Variants in CHD4 observed in about 807,000 individuals in gnomAD.
CHD4 encodes ATP-dependent chromatin remodeler CHD4.
Under a neutral mutation model 235.5 loss-of-function variants are expected in CHD4, and 35 were observed. That is an observed-to-expected ratio of 0.15 (90% CI 0.11 to 0.20). The LOEUF is 0.20. CHD4 is among the 10% of genes least tolerant of loss of function. The probability of loss-of-function intolerance (pLI) is 1.00; values close to 1 mark genes in which losing one functional copy is unlikely to be tolerated. For synonymous variants in CHD4, 900 were observed against 850.2 expected, an observed-to-expected ratio of 1.06 and a Z score of -1.02; for missense variants, 1,329 against 2,432.3, an observed-to-expected ratio of 0.55 and a Z score of 9.54.
At chr12:6,604,384 C>A (rs1948653464) in intron 2 of CHD4, among the ~76,000 whole-genome samples, 1 of 152,168 alleles carries the variant, frequency 6.6e-6, no homozygotes. Context: ...CTGAGCTAGA[C>A]AGATACTAGG....
At chr12:6,607,073 A>G (rs1391939321) in intron 1 of CHD4, 3 of 131,354 alleles carry the variant, frequency 2.3e-5, no homozygotes, top group African/African-American at 8.9e-5. Context: ...TGGGAGACCA[A>G]GCCGGAGGCG....
intron 25 of CHD4, among the ~76,000 whole-genome samples, chr12:6,585,675 G>A (rs1178505203): frequency 6.6e-6 from 1 of 151,332 alleles, no homozygotes; most frequent in Non-Finnish European, 1.5e-5. Context: ...TGTAGTCCCA[G>A]CTATTCGGGA....
chr12:6,579,750 C>CTAA (rs1948143566), intron 33 of CHD4, among the ~76,000 whole-genome samples: 1 of 73,534 alleles, frequency 1.4e-5, no homozygotes, highest in African/African-American at 5.5e-5. Context: ...GACTCCGTCT[C>CTAA]AAAAAAAAAA....
intron 14 of CHD4, 101 bp downstream of exon 14, chr12:6,595,233 G>T: frequency 2.0e-6 from 2 of 998,198 alleles, no homozygotes; most frequent in Non-Finnish European, 3.0e-6. Context: ...CAGCTACAAA[G>T]TTACTATCTG....
Position 6,573,171 on chromosome 12 carries a change from G to A in CHD4, c.5460C>T (p.Thr1820=). Reference sequence around the variant, plus strand: ...CCAAACACTCCACCTCAGCAAAGCGGGTGTTGAGGGCCATGGAAGGGTGAG... The same window carrying A: ...CCAAACACTCCACCTCAGCAAAGCGAGTGTTGAGGGCCATGGAAGGGTGAG... ...DPSHPSMALN[T]RFAEVECLAE... Residue 1820 remains threonine (T), a synonymous_variant, in exon 38 of 40, where the codon ACC becomes ACT. Transcript: ENST00000544040. The A allele has an allele frequency of 1.2e-6, 2 of 1,609,298 alleles. No individual in the cohort carries two copies. The highest frequency in any genetic ancestry group is 1.1e-5 in the South Asian group (1 of 90,068).
chr12:6,575,800 C>T (rs745589253), intron 37 of CHD4, among the ~76,000 whole-genome samples: 155 of 152,280 alleles, frequency 1.0e-3, no homozygotes, highest in Middle Eastern at 3.4e-3. Flanking sequence ...CCACCTTTCT[C>T]GTTCCAACCT....
At chr12:6,580,765 C>A in intron 33 of CHD4, 3 of 249,758 alleles carry the variant, frequency 1.2e-5, no homozygotes, top group Non-Finnish European at 2.2e-5. Context: ...TCCCAGCAAT[C>A]TGGGAGGCAA....
rs752143656 is a variant in CHD4 at position 6,602,040 on chromosome 12, G to GCTT, written c.355_357dup (p.Lys119dup). On this transcript the variant is annotated inframe_insertion, in exon 4 of 40. Coordinates refer to ENST00000544040, the MANE Select transcript of CHD4 (RefSeq NM_001273.5). The stretch of plus-strand genomic sequence containing the variant: ...CTCTTCTTCTCTTTCTTAGGTCCAA[G>GCTT]CTTCTTCTTCTTCTTCTTGCCAGGA... The GCTT allele has an allele frequency of 1.8e-5, 29 of 1,611,630 alleles. No individual in the cohort carries two copies. Among genetic ancestry groups the GCTT allele is most frequent in the South Asian group, 2.2e-5 (2 of 91,014 alleles).
In CHD4 at chr12:6,570,469, C is replaced by T. The variant is rs1947944235; in HGVS notation, c.*207G>A. The T allele has an allele frequency of 1.3e-5, 8 of 616,346 alleles. No homozygotes were observed. Among genetic ancestry groups the T allele is most frequent in the South Asian group, 2.1e-5 (1 of 48,196 alleles). 38.2% of individuals were successfully genotyped at this position (616,346 alleles called of 1,614,324 possible). ...CGCCAGCTCCTGCAGATGGCGCCAG[C>T]GCTACTGCTGCATGTCTCTTCTGCA... On this transcript the variant is annotated 3_prime_UTR_variant, in exon 40 of 40. Coordinates refer to ENST00000544040, the MANE Select transcript of CHD4 (RefSeq NM_001273.5).
chr12:6,591,438 T>C (rs370228207), intron 22 of CHD4, 28 bp downstream of exon 22: 1,610 of 1,574,796 alleles, frequency 1.0e-3, no homozygotes, highest in Non-Finnish European at 1.3e-3. Flanking sequence ...TGAGGATTCC[T>C]GAAACTAAAC....
At chr12:6,591,195 C>T (rs907464199) in intron 22 of CHD4, 7 of 226,980 alleles carry the variant, frequency 3.1e-5, no homozygotes, top group Non-Finnish European at 5.1e-5. Context: ...TAGTAACTTG[C>T]TATTTGAGCT....
At chr12:6,603,764 C>T (rs924193115) in intron 2 of CHD4, among the ~76,000 whole-genome samples, 9 of 152,206 alleles carry the variant, frequency 5.9e-5, no homozygotes, top group African/African-American at 2.2e-4. Flanking sequence ...ATTATTTTTT[C>T]AATCATCAGA....
intron 4 of CHD4, 56 bp downstream of exon 4, chr12:6,601,904 G>C: frequency 1.3e-6 from 2 of 1,594,200 alleles, no homozygotes; most frequent in East Asian, 2.2e-5. Context: ...AAGGTGTCTA[G>C]GAAACAAAAA....
chr12:6,580,724 A>AAAAAAAAAAAAAAAAAAC (rs1948169583), intron 33 of CHD4: 1 of 262,388 alleles, frequency 3.8e-6, no homozygotes, highest in Admixed American at 5.3e-5. Context: ...AAAAAAAAAA[A>AAAAAAAAAAAAAAAAAAC]AAAGCCAGGC....
In CHD4 at chr12:6,571,119, C is replaced by G. The variant is rs1217234611; in HGVS notation, c.5558-87G>C. ...AGTGGACCAGCCCCCCATCACTTCT[C>G]AGTGACCAAGTAACTGTGATGTATT... is the stretch of plus-strand genomic sequence containing the variant. On this transcript the variant is annotated intron_variant, in intron 38 of 39. Coordinates refer to ENST00000544040, the MANE Select transcript of CHD4 (RefSeq NM_001273.5). The G allele has an allele frequency of 3.4e-6, 5 of 1,474,654 alleles. No homozygotes were observed. In the African/African-American group the frequency reaches 7.0e-5, roughly 21 times the overall value. 91.3% of individuals were successfully genotyped at this position (1,474,654 alleles called of 1,614,324 possible).
chr12:6,600,769 A>C, intron 7 of CHD4, 100 bp from the exon 8 acceptor site: 1 of 1,537,164 alleles, frequency 6.5e-7, no homozygotes, highest in Non-Finnish European at 8.8e-7. Flanking sequence ...CCAGAATCCC[A>C]GCAAGCACCG....
Position 6,601,692 on chromosome 12 carries a change from A to G in CHD4, c.513T>C (p.Asp171=). The G allele has an allele frequency of 6.2e-7, 1 of 1,614,160 alleles. No homozygotes were observed. The highest frequency in any genetic ancestry group is 8.5e-7 in the Non-Finnish European group (1 of 1,180,038). The change falls in exon 5 of 40, where the codon GAT becomes GAC. Residue 171 remains aspartate (D), a synonymous_variant. Coordinates refer to ENST00000544040, the MANE Select transcript of CHD4 (RefSeq NM_001273.5). ...EDIDHVFSEE[D]YRTLTNYKAF... ...CCTTGTAGTTGGTGAGGGTTCGATA[A>G]TCCTCCTCTGAGAACACGTGGTCAA...
intron 2 of CHD4, among the ~76,000 whole-genome samples, chr12:6,603,398 A>G (rs1948632145): frequency 6.6e-6 from 1 of 151,990 alleles, no homozygotes; most frequent in Non-Finnish European, 1.5e-5. Flanking sequence ...CCCCCGCCCA[A>G]AGGGGGGTGG....
chr12:6,588,219 G>A, intron 23 of CHD4, 79 bp downstream of exon 23: 2 of 1,516,666 alleles, frequency 1.3e-6, no homozygotes, highest in African/African-American at 1.4e-5. Context: ...AATTCCAGAT[G>A]GTGGAGCCCT....
Sources: gnomAD v4.1 joint callset for allele counts (sites outside exome capture counted in the v4.1 genomes callset) on GRCh38, gnomAD v4.1.1 for gene constraint, MANE v1.5 for transcripts, NCBI Gene and HGNC (gene_info 2026-07-23, HGNC 2026-07-21) for gene names.